The following SPTB variants were observed in gnomAD, a reference collection of about 807,000 sequenced individuals.
SPTB encodes spectrin beta chain, erythrocytic.
Under a neutral mutation model 256.2 loss-of-function variants are expected in SPTB, and 45 were observed. The observed-to-expected ratio is 0.18, with a 90% CI of 0.14 to 0.23. The LOEUF is 0.23. SPTB is among the 10% of genes least tolerant of loss of function. The pLI is 1.00. For missense variants in SPTB, 2,715 were observed against 3,040.4 expected, an observed-to-expected ratio of 0.89 and a Z score of 2.52; for synonymous variants, 1,231 against 1,243.1, an observed-to-expected ratio of 0.99 and a Z score of 0.21.
chr14:64,773,883 C>A (rs1194248153), intron 24 of SPTB, among the ~76,000 whole-genome samples: 19 of 152,172 alleles, frequency 1.2e-4, no homozygotes, highest in Admixed American at 1.2e-3. Context: ...GTGGTGGGCA[C>A]CCTAATGGCA....
At chr14:64,751,417 G>GCCA (rs2081948902) in intron 33 of SPTB, among the ~76,000 whole-genome samples, 1 of 152,040 alleles carries the variant, frequency 6.6e-6, no homozygotes, top group South Asian at 2.1e-4. Context: ...ACCACGCCCG[G>GCCA]CCCCTATCCT....
chr14:64,810,308 G>T (rs1442431010), intron 2 of SPTB, among the ~76,000 whole-genome samples: 2 of 152,166 alleles, frequency 1.3e-5, no homozygotes, highest in Non-Finnish European at 2.9e-5. Context: ...GGAAAAGTTA[G>T]TTACATTCAT....
At chr14:64,848,965 T>C (rs2083736663) in intron 1 of SPTB, among the ~76,000 whole-genome samples, 1 of 152,218 alleles carries the variant, frequency 6.6e-6, no homozygotes, top group South Asian at 2.1e-4. Context: ...GCTTTGAGTC[T>C]AAGTTCAGAG....
chr14:64,784,021 G>A (rs1266695157), intron 19 of SPTB, among the ~76,000 whole-genome samples: 1 of 152,220 alleles, frequency 6.6e-6, no homozygotes, highest in Non-Finnish European at 1.5e-5. Context: ...GTCCTGGGCT[G>A]TCCCCAGATT....
intron 1 of SPTB, among the ~76,000 whole-genome samples, chr14:64,855,959 G>GA (rs2083867035): frequency 6.6e-6 from 1 of 152,242 alleles, no homozygotes; most frequent in Admixed American, 6.5e-5. Context: ...CTGCAGTGCA[G>GA]AGCTGCGGAA....
At chr14:64,872,676 T>C (rs969889688) in intron 1 of SPTB, among the ~76,000 whole-genome samples, 1 of 152,208 alleles carries the variant, frequency 6.6e-6, no homozygotes, top group Non-Finnish European at 1.5e-5. Flanking sequence ...TTGGTATGGT[T>C]TGTCTGTGTC....
chr14:64,876,795 C>G (rs1882845257), intron 1 of SPTB, among the ~76,000 whole-genome samples: 1 of 152,110 alleles, frequency 6.6e-6, no homozygotes, highest in Admixed American at 6.5e-5. Flanking sequence ...AAAAACACAT[C>G]CTCTCATAAT....
chr14:64,763,834 C>T (rs1413389980), intron 32 of SPTB: 1 of 518,840 alleles, frequency 1.9e-6, no homozygotes, highest in African/African-American at 1.9e-5. Context: ...GCGGTGGGAC[C>T]GTGCAGTGAT....
chr14:64,760,992 G>A lies in SPTB; in HGVS notation c.6345+5734C>T, dbSNP rs1435853031. Among the ~76,000 whole-genome samples, 1 of 152,204 alleles carries A rather than the reference G, an allele frequency of 6.6e-6. No individual in the cohort carries two copies. The highest frequency in any genetic ancestry group is 1.5e-5 in the Non-Finnish European group (1 of 68,030). On this transcript the variant is annotated intron_variant, in intron 32 of 35. Coordinates refer to ENST00000644917, the MANE Select transcript of SPTB (RefSeq NM_001355436.2). The surrounding 1 kb of genome is among the most constrained non-coding windows in gnomAD (Gnocchi z 4.3). ...TCACAGTCTAAATGAGATGATCCTG[G>A]CTTATGCAAAACACATGGCTGATTG...
chr14:64,792,009 A>G lies in SPTB; in HGVS notation c.2667-153T>C, dbSNP rs2139588485. Among the ~76,000 whole-genome samples the G allele has an allele frequency of 6.6e-6, 1 of 152,268 alleles. No individual in the cohort carries two copies. Among genetic ancestry groups the G allele is most frequent in the Non-Finnish European group, 1.5e-5 (1 of 68,016 alleles). On this transcript the variant is annotated intron_variant, in intron 14 of 35. Coordinates refer to ENST00000644917, the MANE Select transcript of SPTB (RefSeq NM_001355436.2). The surrounding 1 kb of genome is among the most constrained non-coding windows in gnomAD (Gnocchi z 4.2). ...AGGTGAGGCAGGAGGAAGAAAACAG[A>G]TATGCTGGCCCTCCTTTCTGGTTCA...
rs1256235257 is a variant in SPTB, at chr14:64,802,868, TC to T, written c.475-552del. Among the ~76,000 whole-genome samples, 1 of 152,188 alleles carries T rather than the reference TC, an allele frequency of 6.6e-6. No individual in the cohort carries two copies. Among genetic ancestry groups the T allele is most frequent in the African/African-American group, 2.4e-5 (1 of 41,452 alleles). On this transcript the variant is annotated intron_variant, in intron 4 of 35. Coordinates refer to ENST00000644917, the MANE Select transcript of SPTB (RefSeq NM_001355436.2). The surrounding 1 kb of genome is among the most constrained non-coding windows in gnomAD (Gnocchi z 5.1). Reference sequence around the variant, plus strand: ...AGAATCAGTGACAAGATGCCCTGATTCCTCCTCTGGAGGTGCAATGCCCCTT... The same window carrying T: ...AGAATCAGTGACAAGATGCCCTGATTCTCCTCTGGAGGTGCAATGCCCCTT...
chr14:64,813,663 C>T (rs781228777), intron 2 of SPTB, among the ~76,000 whole-genome samples: 26 of 152,352 alleles, frequency 1.7e-4, no homozygotes, highest in Non-Finnish European at 3.4e-4. Context: ...GCTGGGACTA[C>T]AGGCAAGCGC....
intron 24 of SPTB, 94 bp downstream of exon 24, chr14:64,774,303 T>C: frequency 6.8e-7 from 1 of 1,464,778 alleles, no homozygotes; most frequent in South Asian, 1.3e-5. Flanking sequence ...GAAAACTCTT[T>C]CCATTTTCCT....
chr14:64,811,993 C>A (rs115209466), intron 2 of SPTB, among the ~76,000 whole-genome samples: 1 of 152,142 alleles, frequency 6.6e-6, no homozygotes, highest in African/African-American at 2.4e-5. Context: ...TCCTACAGAT[C>A]TATTCATACA....
chr14:64,749,089 C>T lies in SPTB; in HGVS notation c.*217G>A, dbSNP rs2081897934. 1 of 497,434 alleles carries T rather than the reference C, an allele frequency of 2.0e-6. No homozygotes were observed. The allele number at this position is 497,434 out of a possible 1,614,324, so 30.8% of individuals were successfully genotyped here. The stretch of plus-strand genomic sequence containing the variant: ...GCCAGAGGAGCTGGGAGCCCCTGTC[C>T]CTGGAGCGGAGCCAGCGCGGGCGAG... On this transcript the variant is annotated 3_prime_UTR_variant, in exon 36 of 36. Transcript: ENST00000644917. The surrounding 1 kb of genome is among the most constrained non-coding windows in gnomAD (Gnocchi z 4.7).
chr14:64,797,248 G>A (rs912847669), intron 10 of SPTB, among the ~76,000 whole-genome samples: 1 of 151,952 alleles, frequency 6.6e-6, no homozygotes, highest in African/African-American at 2.4e-5. Context: ...CAAGGTGGGA[G>A]GATTGTTTGA....
chr14:64,750,191 G>A, intron 33 of SPTB, 37 bp from the exon 34 acceptor site: 1 of 1,602,556 alleles, frequency 6.2e-7, no homozygotes, highest in Non-Finnish European at 8.5e-7. Flanking sequence ...CCCACATCCT[G>A]ATATGGTATC....
rs775351565 is a variant in SPTB, at chr14:64,772,784, C to T, written c.5349G>A (p.Leu1783=). 1.9e-6 allele frequency: 3 copies of T among 1,613,998 alleles called. No homozygotes were observed. The East Asian group carries it at 6.7e-5, about 36-fold the overall frequency. The change falls in exon 26 of 36, where the codon CTG becomes CTA. Residue 1783 remains leucine, a synonymous_variant. Transcript: ENST00000644917. The surrounding 1 kb of genome is among the most constrained non-coding windows in gnomAD (Gnocchi z 5.4). ...DGLNEMWADL[L]ELIDTRMQLL... ...GCTGCATGCGCGTGTCAATGAGCTC[C>T]AGGAGGTCTGCCCACATCTCGTTCA...
chr14:64,867,784 G>A (rs571696723), intron 1 of SPTB, among the ~76,000 whole-genome samples: 1 of 151,460 alleles, frequency 6.6e-6, no homozygotes, highest in East Asian at 1.9e-4. Flanking sequence ...AACCCGGAAG[G>A]TGGAGGCTGT....
Sources: gnomAD v4.1 joint callset for allele counts (sites outside exome capture counted in the v4.1 genomes callset) on GRCh38, gnomAD v4.1.1 for gene constraint, Gnocchi (gnomAD v3.1) non-coding constraint, MANE v1.5 for transcripts, NCBI Gene and HGNC (gene_info 2026-07-23, HGNC 2026-07-21) for gene names.